DNAI4: variants seen among roughly 807,000 people sequenced by gnomAD.
DNAI4 encodes dynein axonemal intermediate chain 4.
Under a neutral mutation model 105.8 loss-of-function variants are expected in DNAI4, and 85 were observed. The observed-to-expected ratio is 0.80, with a 90% CI of 0.67 to 0.96. The LOEUF is 0.96. Ranked by LOEUF, DNAI4 falls within the 40% of genes least tolerant of loss-of-function variation. The pLI, the probability that DNAI4 is intolerant of heterozygous loss-of-function variation, is 0.00. For missense variants in DNAI4, 1,014 were observed against 1,005.6 expected (o/e 1.01, Z -0.11); for synonymous variants, 352 against 331.5 (o/e 1.06, Z -0.67).
At chr1:66,901,966 T>G (rs1648858554) in intron 2 of DNAI4, among the ~76,000 whole-genome samples, 1 of 152,128 alleles carries the variant, frequency 6.6e-6, no homozygotes, top group Admixed American at 6.5e-5. Context: ...TTTCATTTTC[T>G]TATAGAGATG....
At chr1:66,860,886 G>A (rs1166053016) in intron 7 of DNAI4, 1 of 152,092 alleles carries the variant, frequency 6.6e-6, no homozygotes, top group Admixed American at 6.5e-5. Flanking sequence ...TTTCTTTAGT[G>A]ATAACGAATA....
chr1:66,917,275 CCA>C (rs1322724927), intron 1 of DNAI4, among the ~76,000 whole-genome samples: 9 of 152,158 alleles, frequency 5.9e-5, no homozygotes, highest in African/African-American at 2.2e-4. Flanking sequence ...TTATTGTGTG[CCA>C]CAGAGGTAAC....
At chr1:66,904,542 T>G (rs1649091144) in intron 2 of DNAI4, among the ~76,000 whole-genome samples, 1 of 152,192 alleles carries the variant, frequency 6.6e-6, no homozygotes. Flanking sequence ...TGTCTCAATA[T>G]TGCTTTGAAG....
intron 1 of DNAI4, among the ~76,000 whole-genome samples, chr1:66,915,813 A>G (rs1284724321): frequency 6.6e-6 from 1 of 152,146 alleles, no homozygotes; most frequent in African/African-American, 2.4e-5. Flanking sequence ...CTTAAAGAGA[A>G]TAATTTTATA....
At chr1:66,849,241 T>C (rs1007303313) in intron 7 of DNAI4, among the ~76,000 whole-genome samples, 1 of 152,228 alleles carries the variant, frequency 6.6e-6, no homozygotes, top group African/African-American at 2.4e-5. Context: ...TGTGTAGCAC[T>C]AATGAAGCAT....
chr1:66,868,478 G>T (rs776598814), intron 6 of DNAI4, among the ~76,000 whole-genome samples: 2 of 152,138 alleles, frequency 1.3e-5, no homozygotes, highest in Non-Finnish European at 2.9e-5. Flanking sequence ...CTCCAATGTG[G>T]TGGGCATCAT....
At chr1:66,893,099 A>AAGAAAGAG (rs1647969161) in intron 3 of DNAI4, 130 bp downstream of exon 3, 2 of 447,172 alleles carry the variant, frequency 4.5e-6, no homozygotes, top group Non-Finnish European at 7.5e-6. Context: ...GAAAGAAAGA[A>AAGAAAGAG]AGAAAGAAAG....
At chr1:66,872,494 C>T (rs547933362) in intron 5 of DNAI4, among the ~76,000 whole-genome samples, 5 of 151,798 alleles carry the variant, frequency 3.3e-5, no homozygotes, top group Admixed American at 1.3e-4. Flanking sequence ...CCTCCCAAAG[C>T]GCTGGGATTA....
intron 1 of DNAI4, among the ~76,000 whole-genome samples, chr1:66,912,073 C>A (rs535933350): frequency 6.6e-6 from 1 of 152,300 alleles, no homozygotes; most frequent in South Asian, 2.1e-4. Flanking sequence ...AACTGCTGAC[C>A]TCAGGATCTG....
At chr1:66,815,266 A>G (rs1021249514) in intron 16 of DNAI4, among the ~76,000 whole-genome samples, 1 of 152,202 alleles carries the variant, frequency 6.6e-6, no homozygotes, top group Non-Finnish European at 1.5e-5. Flanking sequence ...AATTTGTTCA[A>G]TGTTGTATCC....
chr1:66,885,771 C>G (rs751501809), intron 4 of DNAI4, among the ~76,000 whole-genome samples: 1 of 152,098 alleles, frequency 6.6e-6, no homozygotes. Context: ...TTCCTTCTGG[C>G]TTCCGTCAAG....
chr1:66,836,139 GAAAA>G (rs1645982844), intron 10 of DNAI4, among the ~76,000 whole-genome samples: 4 of 71,322 alleles, frequency 5.6e-5, no homozygotes, highest in Admixed American at 1.5e-4. Flanking sequence ...AAGAAAGAAA[GAAAA>G]GAAAGAAAGA....
chr1:66,884,704 C>G (rs975505508), intron 4 of DNAI4, among the ~76,000 whole-genome samples: 1 of 152,124 alleles, frequency 6.6e-6, no homozygotes, highest in Non-Finnish European at 1.5e-5. Context: ...CTTAGTCTAG[C>G]TTTGGCATCA....
intron 8 of DNAI4, among the ~76,000 whole-genome samples, chr1:66,845,210 G>GA (rs1557918709): frequency 1.5e-3 from 33 of 21,606 alleles, no homozygotes; most frequent in African/African-American, 1.8e-3. Flanking sequence ...AAAAAAAAAA[G>GA]AAAAATTAAA....
intron 1 of DNAI4, among the ~76,000 whole-genome samples, chr1:66,916,267 T>C (rs937670469): frequency 2.6e-4 from 40 of 152,218 alleles, no homozygotes; most frequent in African/African-American, 9.4e-4. Context: ...AGTTGTCATA[T>C]TGTTTTGCTT....
chr1:66,814,374 G>T (rs924659600), intron 16 of DNAI4, among the ~76,000 whole-genome samples, 194 bp from the exon 17 acceptor site: 1 of 151,652 alleles, frequency 6.6e-6, no homozygotes, highest in Non-Finnish European at 1.5e-5. Context: ...TCCATGAAAG[G>T]CTCTTTTTTT....
chr1:66,855,350 G>C (rs1646478671), intron 7 of DNAI4, among the ~76,000 whole-genome samples: 1 of 152,198 alleles, frequency 6.6e-6, no homozygotes, highest in South Asian at 2.1e-4. Context: ...GGCATGAAAT[G>C]CCTCCTTCTG....
chr1:66,829,141 A>G (rs1483670258), intron 13 of DNAI4, among the ~76,000 whole-genome samples: 3 of 152,212 alleles, frequency 2.0e-5, no homozygotes, highest in Non-Finnish European at 4.4e-5. Flanking sequence ...GGCCCTTCAG[A>G]GTCCTGTCTC....
In DNAI4 at chr1:66,890,912, GC is replaced by G; in HGVS notation, c.643+241del. 1.9e-6 allele frequency: 1 copy of G among 528,412 alleles called. No individual in the cohort carries two copies. 32.7% of individuals were successfully genotyped at this position (528,412 alleles called of 1,614,324 possible). On this transcript the variant is annotated intron_variant, in intron 4 of 16. Coordinates refer to ENST00000371026, the MANE Select transcript of DNAI4 (RefSeq NM_024763.5). The surrounding 1 kb of genome is among the most constrained non-coding windows in gnomAD (Gnocchi z 4.1). Reference sequence around the variant, plus strand: ...AGAAGCAGCAGCAGCAACAGCAGCAGCAGAAGCAGCAGCTGAGCTCTAACAC... The same window carrying G: ...AGAAGCAGCAGCAGCAACAGCAGCAGAGAAGCAGCAGCTGAGCTCTAACAC...
Sources: allele counts gnomAD v4.1 joint callset (sites outside exome capture counted in the v4.1 genomes callset), GRCh38; gene constraint gnomAD v4.1.1; non-coding constraint Gnocchi (gnomAD v3.1); transcripts MANE v1.5; gene names NCBI Gene and HGNC (gene_info 2026-07-23, HGNC 2026-07-21).